The following RIMS2 variants were observed in gnomAD, a reference collection of about 807,000 sequenced individuals.
RIMS2 encodes regulating synaptic membrane exocytosis 2.
In RIMS2, 59 loss-of-function variants were observed where a neutral mutation model predicts 174.4. That is an observed-to-expected ratio of 0.34 (90% confidence interval 0.27 to 0.42). The LOEUF is 0.42. RIMS2 is among the 10% of genes least tolerant of loss of function. RIMS2 has a pLI of 1.00. For missense variants in RIMS2, 1,620 were observed against 1,666.3 expected (o/e 0.97, Z 0.48); for synonymous variants, 606 against 572.5 (o/e 1.06, Z -0.84).
chr8:103,593,419 T>C (rs1381917508), intron 1 of RIMS2, among the ~76,000 whole-genome samples: 1 of 151,576 alleles, frequency 6.6e-6, no homozygotes, highest in East Asian at 1.9e-4. Flanking sequence ...AGAAAGTTCA[T>C]TGATATGGTT....
chr8:103,695,756 T>C (rs2097093652), intron 1 of RIMS2, among the ~76,000 whole-genome samples: 2 of 151,962 alleles, frequency 1.3e-5, no homozygotes, highest in South Asian at 2.1e-4. Context: ...TGTTTTTCTC[T>C]CAATTTATAG....
chr8:104,063,782 T>G (rs2097051346), intron 19 of RIMS2, among the ~76,000 whole-genome samples: 1 of 152,120 alleles, frequency 6.6e-6, no homozygotes. Context: ...TCAGCTTCCT[T>G]GTGGATTGTG....
At chr8:103,748,439 C>T (rs762601114) in intron 2 of RIMS2, among the ~76,000 whole-genome samples, 22 of 152,024 alleles carry the variant, frequency 1.4e-4, no homozygotes, top group Non-Finnish European at 2.9e-4. Context: ...CAGAATGAGA[C>T]CGTCTCAAAT....
exon 4 of RIMS2, chr8:103,885,350 G>A: frequency 6.2e-7 from 1 of 1,611,466 alleles, no homozygotes; most frequent in Non-Finnish European, 8.5e-7. Context: ...CGACCAAAGG[G>A]AAGAAAGAGA....
intron 19 of RIMS2, among the ~76,000 whole-genome samples, chr8:104,208,516 C>T (rs1563762551): frequency 2.6e-5 from 4 of 151,470 alleles, no homozygotes; most frequent in Admixed American, 1.3e-4. Context: ...GGCAGTGATC[C>T]GAGATCGAGC....
At chr8:103,547,768 TTAA>T (rs1220343526) in intron 1 of RIMS2, among the ~76,000 whole-genome samples, 20 of 152,100 alleles carry the variant, frequency 1.3e-4, no homozygotes, top group African/African-American at 4.8e-4. Context: ...GCTAGCTAAG[TTAA>T]TAAAGGGAAA....
At chr8:103,957,725 G>T (rs574558396) in intron 14 of RIMS2, among the ~76,000 whole-genome samples, 1 of 152,168 alleles carries the variant, frequency 6.6e-6, no homozygotes, top group African/African-American at 2.4e-5. Flanking sequence ...CCTGCACGTT[G>T]TTCACATGTA....
chr8:103,613,533 T>C (rs1335289977), intron 1 of RIMS2, among the ~76,000 whole-genome samples: 48 of 152,234 alleles, frequency 3.2e-4, no homozygotes, highest in Admixed American at 3.1e-3. Flanking sequence ...ATGAACCTAC[T>C]TATTGCTCTA....
intron 6 of RIMS2, among the ~76,000 whole-genome samples, chr8:103,913,194 G>C (rs1441784585): frequency 6.6e-6 from 1 of 150,946 alleles, no homozygotes; most frequent in East Asian, 2.0e-4. Context: ...TGGCCAGGAT[G>C]ATCTTGATCT....
At chr8:103,924,337 A>C (rs1045154186) in intron 10 of RIMS2, among the ~76,000 whole-genome samples, 5 of 151,686 alleles carry the variant, frequency 3.3e-5, no homozygotes, top group African/African-American at 1.2e-4. Flanking sequence ...ACCTTCATGT[A>C]ATTTATGAAT....
At chr8:103,789,116 C>T (rs542747990) in intron 3 of RIMS2, among the ~76,000 whole-genome samples, 40 of 152,316 alleles carry the variant, frequency 2.6e-4, no homozygotes, top group Middle Eastern at 3.4e-3. Flanking sequence ...GGCAATGCCT[C>T]GCCCTGCTTC....
chr8:104,119,369 A>G (rs540106826), intron 19 of RIMS2, among the ~76,000 whole-genome samples: 2 of 151,516 alleles, frequency 1.3e-5, no homozygotes, highest in African/African-American at 2.4e-5. Context: ...CAAAAACAAA[A>G]AAAACAAAAA....
chr8:103,575,685 C>T (rs10093101), intron 1 of RIMS2, among the ~76,000 whole-genome samples: 105,194 of 144,888 alleles, frequency 0.73, 38,256 homozygotes, highest in East Asian at 0.88. Context: ...CACACACACA[C>T]ATATATATAT....
At chr8:103,980,406 G>A (rs1463558179) in intron 16 of RIMS2, among the ~76,000 whole-genome samples, 2 of 152,136 alleles carry the variant, frequency 1.3e-5, no homozygotes, top group Non-Finnish European at 2.9e-5. Flanking sequence ...AGACCCCCTG[G>A]GCGCTGAATA....
At chr8:103,784,992 G>A (rs1413677125) in intron 3 of RIMS2, among the ~76,000 whole-genome samples, 1 of 142,048 alleles carries the variant, frequency 7.0e-6, no homozygotes, top group African/African-American at 2.7e-5. Context: ...CACATCCCTT[G>A]TAAGTTGGAT....
chr8:103,793,988 G>T (rs187199109), intron 3 of RIMS2, among the ~76,000 whole-genome samples: 1 of 152,056 alleles, frequency 6.6e-6, no homozygotes, highest in African/African-American at 2.4e-5. Context: ...AATCAATATC[G>T]TGAAAATGGC....
intron 19 of RIMS2, among the ~76,000 whole-genome samples, chr8:104,136,049 G>A (rs1045415611): frequency 7.2e-5 from 11 of 152,098 alleles, no homozygotes; most frequent in African/African-American, 2.4e-4. Flanking sequence ...GCTATGTCTC[G>A]AACGTGAGTT....
At chr8:103,510,390 G>T (rs534780176) in intron 1 of RIMS2, among the ~76,000 whole-genome samples, 4 of 152,130 alleles carry the variant, frequency 2.6e-5, no homozygotes, top group South Asian at 2.1e-4. Context: ...CAATCTGAAA[G>T]AATTAATTAA....
intron 3 of RIMS2, among the ~76,000 whole-genome samples, chr8:103,773,458 G>A (rs775892704): frequency 5.3e-5 from 8 of 152,306 alleles, no homozygotes; most frequent in South Asian, 2.1e-4. Flanking sequence ...TGCCGGGCAC[G>A]GTGGCTCACG....
Sources: gnomAD v4.1 joint callset for allele counts (sites outside exome capture counted in the v4.1 genomes callset) on GRCh38, gnomAD v4.1.1 for gene constraint, MANE v1.5 for transcripts, NCBI Gene and HGNC (gene_info 2026-07-23, HGNC 2026-07-21) for gene names.